VPS13A: variants seen among roughly 807,000 people sequenced by gnomAD.
VPS13A encodes the protein intermembrane lipid transfer protein VPS13A.
In VPS13A, 264 loss-of-function variants were observed where a neutral mutation model predicts 390.9. That is an observed-to-expected ratio of 0.68 (90% CI 0.61 to 0.75). The LOEUF is 0.75. Among genes scored for constraint, VPS13A ranks in the 30% least tolerant of loss-of-function variants. The pLI, the probability that VPS13A is intolerant of heterozygous loss-of-function variation, is 0.00. For missense variants in VPS13A, 3,409 were observed against 3,733.9 expected (o/e 0.91, Z 2.27); for synonymous variants, 1,231 against 1,227.1 (o/e 1.00, Z -0.07).
Position 77,281,851 on chromosome 9 carries a change from T to C in VPS13A, c.2905-16T>C. The C allele has an allele frequency of 6.3e-7, 1 of 1,580,650 alleles. No individual in the cohort carries two copies. The highest frequency in any genetic ancestry group is 8.7e-7 in the Non-Finnish European group (1 of 1,150,834). ...TTCCTAACGTGTTCTAACAGATTTG[T>C]TTTCTCTTTGGATAGGCTGAAAAGA... On this transcript the variant is annotated splice_polypyrimidine_tract_variant and intron_variant, in intron 27 of 71. Transcript: ENST00000360280.
intron 68 of VPS13A, among the ~76,000 whole-genome samples, chr9:77,392,219 A>C (rs1222484612): frequency 6.6e-6 from 1 of 152,200 alleles, no homozygotes; most frequent in Non-Finnish European, 1.5e-5. Flanking sequence ...GAAGCATTGC[A>C]AGAGACATGA....
At position 77,407,499 on chromosome 9, in the gene VPS13A, A is replaced by T. The variant is rs2025846; in HGVS notation, c.9400-34A>T. The T allele has an allele frequency of 0.52, 803,165 of 1,548,714 alleles. 210,320 individuals are homozygous for T. The highest frequency in any genetic ancestry group is 0.63 in the East Asian group (27,907 of 44,384). ...CTTTATGGATTTTTACAACCAGATT[A>T]TCTTTTTAATGAATTTACATATTCT... On this transcript the variant is annotated intron_variant, in intron 70 of 71. Transcript: ENST00000360280.
Position 77,370,248 on chromosome 9 carries a change from G to A in VPS13A, c.8668-9G>A, listed in dbSNP as rs2131587130. The A allele has an allele frequency of 1.9e-6, 3 of 1,613,866 alleles. No homozygotes were observed. The highest frequency in any genetic ancestry group is 2.5e-6 in the Non-Finnish European group (3 of 1,179,908). The stretch of plus-strand genomic sequence containing the variant: ...CACTCACTCATTTATTTACTATTTG[G>A]CCCTTTAGGGAGCCATCCAGGGTCC... On this transcript the variant is annotated splice_polypyrimidine_tract_variant and intron_variant, in intron 63 of 71. Coordinates refer to ENST00000360280, the MANE Select transcript of VPS13A (RefSeq NM_033305.3).
At chr9:77,225,808 G>C in intron 13 of VPS13A, 118 bp from the exon 14 acceptor site, 2 of 752,242 alleles carry the variant, frequency 2.7e-6, no homozygotes, top group Non-Finnish European at 4.6e-6. Context: ...TGAATGTTCT[G>C]TTGTTTGCTT....
chr9:77,181,185 A>C (rs1823994350), intron 1 of VPS13A, among the ~76,000 whole-genome samples: 1 of 152,076 alleles, frequency 6.6e-6, no homozygotes, highest in Non-Finnish European at 1.5e-5. Flanking sequence ...TAATTTGATA[A>C]ATTTGGAGGA....
chr9:77,226,571 G>C lies in VPS13A; in HGVS notation c.1330G>C (p.Glu444Gln), dbSNP rs201529045. 86 of 1,612,696 alleles carry C rather than the reference G, an allele frequency of 5.3e-5. No homozygotes were observed. The African/African-American group carries it at 1.0e-3, about 19-fold the overall frequency. Residue 444 changes from glutamate (E) to glutamine (Q), a missense_variant, in exon 15 of 72, where the codon GAA becomes CAA. Coordinates refer to ENST00000360280, the MANE Select transcript of VPS13A (RefSeq NM_033305.3). ...LWSWSEQNTN[E>Q]QQPDVQPETL... ...GTCTTGGTCAGAACAAAATACTAAT[G>C]AACAGCAACCAGATGTTCAACCTGA...
intron 1 of VPS13A, among the ~76,000 whole-genome samples, chr9:77,188,845 AAT>A (rs1824500913): frequency 1.3e-5 from 2 of 151,790 alleles, no homozygotes; most frequent in African/African-American, 2.4e-5. Flanking sequence ...GTATCTCACT[AAT>A]CATTAATCCT....
At chr9:77,340,775 G>A (rs1373734054) in intron 50 of VPS13A, 3 of 507,460 alleles carry the variant, frequency 5.9e-6, no homozygotes, top group South Asian at 2.2e-5. Flanking sequence ...GGAGGTAGAC[G>A]TTTAACAATT....
chr9:77,345,337 G>A (rs1342825881), intron 52 of VPS13A, among the ~76,000 whole-genome samples, 195 bp downstream of exon 52: 1 of 152,160 alleles, frequency 6.6e-6, no homozygotes, highest in African/African-American at 2.4e-5. Flanking sequence ...ATTTTGAAAT[G>A]CTTCAAAGAA....
At position 77,333,538 on chromosome 9, in the gene VPS13A, C is replaced by T. The variant is rs139555287; in HGVS notation, c.6095+1425C>T. 4.3e-3 allele frequency among the ~76,000 whole-genome samples: 657 copies of T among 151,310 alleles called. 3 individuals carry two copies. Among genetic ancestry groups the T allele is most frequent in the African/African-American group, 0.015 (620 of 41,182 alleles). ...CAAGCGAGTCTCCTGCCTCAGCCTC[C>T]TAAGTAGCTGGGATTACAGGCATGT... On this transcript the variant is annotated intron_variant, in intron 46 of 71. Transcript: ENST00000360280.
At chr9:77,257,765 A>G (rs1275792293) in intron 22 of VPS13A, among the ~76,000 whole-genome samples, 1 of 152,106 alleles carries the variant, frequency 6.6e-6, no homozygotes, top group Non-Finnish European at 1.5e-5. Flanking sequence ...TTAAAAAGTG[A>G]AAAATAAAAC....
In VPS13A at chr9:77,374,837, TC is replaced by T. The variant is rs1832982530; in HGVS notation, c.9077+3689del. Among the ~76,000 whole-genome samples the T allele has an allele frequency of 2.6e-5, 4 of 152,148 alleles. No individual in the cohort carries two copies. The South Asian group carries it at 8.3e-4, about 31-fold the overall frequency. On this transcript the variant is annotated intron_variant, in intron 67 of 71. Coordinates refer to ENST00000360280, the MANE Select transcript of VPS13A (RefSeq NM_033305.3). ...ATAAAATTAATGTTAATTAGACCCA[TC>T]TTAGAAAGTTAGGTGGGTGGCTGTC...
At chr9:77,407,797 T>C (rs1039266608) in intron 71 of VPS13A, 190 bp downstream of exon 71, 1 of 541,934 alleles carries the variant, frequency 1.8e-6, no homozygotes, top group Non-Finnish European at 3.3e-6. Flanking sequence ...TCTACCAGAT[T>C]CAATTCGGCA....
chr9:77,384,641 T>C, intron 68 of VPS13A: 2 of 1,599,472 alleles, frequency 1.3e-6, no homozygotes, highest in South Asian at 2.2e-5. Context: ...GTGATGATGA[T>C]GATGATGATG....
At chr9:77,365,412 C>A in intron 59 of VPS13A, 48 bp from the exon 60 acceptor site, 1 of 1,214,936 alleles carries the variant, frequency 8.2e-7, no homozygotes, top group South Asian at 1.2e-5. Context: ...TTAAATATCT[C>A]ATGCAGGTAG....
At chr9:77,357,045 C>G (rs1412348647) in intron 55 of VPS13A, among the ~76,000 whole-genome samples, 178 bp downstream of exon 55, 1 of 151,918 alleles carries the variant, frequency 6.6e-6, no homozygotes, top group Non-Finnish European at 1.5e-5. Context: ...TCAGGCTGGG[C>G]GCAGTGGTTC....
chr9:77,380,815 G>A (rs1481787020), intron 67 of VPS13A, among the ~76,000 whole-genome samples: 1 of 152,180 alleles, frequency 6.6e-6, no homozygotes, highest in East Asian at 1.9e-4. Context: ...CATAAGGAGT[G>A]TGCTACCTAG....
Position 77,260,154 on chromosome 9 carries a change from T to C in VPS13A, c.2357T>C (p.Met786Thr), listed in dbSNP as rs1409507905. 1.2e-6 allele frequency: 2 copies of C among 1,606,516 alleles called. No individual in the cohort carries two copies. Among genetic ancestry groups the C allele is most frequent in the Non-Finnish European group, 8.5e-7 (1 of 1,173,630 alleles). The change falls in exon 23 of 72, where the codon ATG becomes ACG. Residue 786 changes from methionine to threonine, a missense_variant. Transcript: ENST00000360280. ...RISDKKLQGI[M>T]ELIESIPKPE... ...TCAGATAAAAAACTACAAGGGATTA[T>C]GGAATTGATTGAAAGCATTCCAAAA... is the stretch of plus-strand genomic sequence containing the variant.
chr9:77,323,265 C>T, intron 45 of VPS13A, 38 bp downstream of exon 45: 1 of 1,604,644 alleles, frequency 6.2e-7, no homozygotes, highest in Non-Finnish European at 8.5e-7. Context: ...TCCTGTTATG[C>T]ATATCTGTGT....
Sources: gnomAD v4.1 joint callset for allele counts (sites outside exome capture counted in the v4.1 genomes callset) on GRCh38, gnomAD v4.1.1 for gene constraint, MANE v1.5 for transcripts, NCBI Gene and HGNC (gene_info 2026-07-23, HGNC 2026-07-21) for gene names.